AHR: variants seen among roughly 807,000 people sequenced by gnomAD.
The protein encoded by AHR is AH-receptor.
In AHR, 40 loss-of-function variants were observed where a neutral mutation model predicts 86.8. The ratio of observed to expected loss-of-function variants is 0.46; its 90% CI spans 0.36 to 0.60. The LOEUF (loss-of-function observed/expected upper bound fraction) is 0.60. Ranked by LOEUF, AHR falls within the 20% of genes least tolerant of loss-of-function variation. The probability of loss-of-function intolerance (pLI) is 0.00; values close to 1 mark genes in which losing one functional copy is unlikely to be tolerated. For synonymous variants in AHR, 398 were observed against 354.9 expected (o/e 1.12, Z -1.37); for missense variants, 1,001 against 1,011.6 (o/e 0.99, Z 0.14).
At chr7:17,335,616 G>A (rs1782346744) in intron 8 of AHR, 29 bp from the exon 9 acceptor site, 1 of 1,525,798 alleles carries the variant, frequency 6.6e-7, no homozygotes, top group Non-Finnish European at 8.8e-7. Flanking sequence ...TTGGGGGTTT[G>A]ATAATTTAAT....
intron 6 of AHR, among the ~76,000 whole-genome samples, chr7:17,333,625 T>C (rs901471534): frequency 3.9e-5 from 6 of 151,942 alleles, no homozygotes; most frequent in Admixed American, 6.6e-5. Context: ...GTGAAAATGA[T>C]AGGGTAATGG....
chr7:17,324,396 C>T (rs1401700690), intron 3 of AHR, among the ~76,000 whole-genome samples: 1 of 152,124 alleles, frequency 6.6e-6, no homozygotes, highest in African/African-American at 2.4e-5. Context: ...AGCCAATTAC[C>T]ACTACAGTGT....
At position 17,334,340 on chromosome 7, in the gene AHR, A is replaced by G. The variant is rs942846481; in HGVS notation, c.908+226A>G. 3.3e-5 allele frequency among the ~76,000 whole-genome samples: 5 copies of G among 151,988 alleles called. No homozygotes were observed. Among genetic ancestry groups the G allele is most frequent in the African/African-American group, 4.8e-5 (2 of 41,424 alleles). ...GTCTCAAATGATGATGTTCTTATAT[A>G]TTAGTAAGGTTTATTCTTCTGATGA... On this transcript the variant is annotated intron_variant, in intron 7 of 10. Transcript: ENST00000242057.
At position 17,299,205 on chromosome 7, in the gene AHR, G is replaced by C; in HGVS notation, c.-60G>C. The C allele has an allele frequency of 2.5e-6, 4 of 1,578,074 alleles. No individual in the cohort carries two copies. The highest frequency in any genetic ancestry group is 3.4e-6 in the Non-Finnish European group (4 of 1,164,174). On this transcript the variant is annotated 5_prime_UTR_variant, in exon 1 of 11. Coordinates refer to ENST00000242057, the MANE Select transcript of AHR (RefSeq NM_001621.5). ...CGCCGCAGTGGTCCCAGCCTACACC[G>C]GGTTCCGGGGACCCGGCCGCCAGTG... is the stretch of plus-strand genomic sequence containing the variant.
At chr7:17,331,521 A>T (rs1011056040) in intron 6 of AHR, among the ~76,000 whole-genome samples, 4 of 151,966 alleles carry the variant, frequency 2.6e-5, no homozygotes, top group African/African-American at 4.8e-5. Flanking sequence ...TTTTTAAGGT[A>T]TGAGAGAATT....
At chr7:17,312,211 T>A (rs1782072470) in intron 2 of AHR, among the ~76,000 whole-genome samples, 1 of 152,222 alleles carries the variant, frequency 6.6e-6, no homozygotes, top group African/African-American at 2.4e-5. Flanking sequence ...TTCTGTGATG[T>A]GTAAGACGTG....
intron 2 of AHR, among the ~76,000 whole-genome samples, chr7:17,313,946 G>A (rs550066254): frequency 6.6e-6 from 1 of 152,196 alleles, no homozygotes; most frequent in East Asian, 1.9e-4. Flanking sequence ...TGGGCTTGTT[G>A]ATCAATCTAA....
At position 17,344,305 on chromosome 7, in the gene AHR, A is replaced by C. The variant is rs1333118259; in HGVS notation, c.*1241A>C. The C allele has an allele frequency of 1.3e-5, 2 of 152,758 alleles. No individual in the cohort carries two copies. The highest frequency in any genetic ancestry group is 2.9e-5 in the Non-Finnish European group (2 of 68,024). The allele number at this position is 152,758 out of a possible 1,614,324, so 9.5% of individuals were successfully genotyped here. On this transcript the variant is annotated 3_prime_UTR_variant, in exon 11 of 11. Transcript: ENST00000242057. ...CAAAGTATTGTAATGAGTGAATTGA[A>C]TGGTGCATTGTATAGATATAATGAA...
intron 1 of AHR, among the ~76,000 whole-genome samples, chr7:17,302,455 A>G (rs544313718): frequency 2.4e-4 from 36 of 152,156 alleles, no homozygotes; most frequent in African/African-American, 8.7e-4. Context: ...AATGTTTTCT[A>G]TAAATTTATG....
chr7:17,336,342 A>AT (rs113886074), intron 9 of AHR, among the ~76,000 whole-genome samples: 5 of 151,224 alleles, frequency 3.3e-5, no homozygotes, highest in African/African-American at 1.2e-4. Context: ...TGATCAGGGG[A>AT]TTTTGTCTGT....
At chr7:17,328,862 T>C (rs184365502) in intron 4 of AHR, among the ~76,000 whole-genome samples, 1 of 152,104 alleles carries the variant, frequency 6.6e-6, no homozygotes, top group African/African-American at 2.4e-5. Flanking sequence ...TAGGAAGATT[T>C]AAGTGTAGAT....
chr7:17,318,750 A>C (rs1228771165), intron 2 of AHR, among the ~76,000 whole-genome samples: 1 of 152,186 alleles, frequency 6.6e-6, no homozygotes, highest in African/African-American at 2.4e-5. Context: ...AACAATTTAC[A>C]GTTTTGAAGT....
At position 17,298,937 on chromosome 7, in the gene AHR, C is replaced by A. The variant is rs1388974722; in HGVS notation, c.-328C>A. The A allele has an allele frequency of 2.1e-5, 9 of 434,732 alleles. No homozygotes were observed. Among genetic ancestry groups the A allele is most frequent in the African/African-American group, 1.4e-4 (7 of 48,702 alleles). 26.9% of individuals were successfully genotyped at this position (434,732 alleles called of 1,614,324 possible). On this transcript the variant is annotated 5_prime_UTR_variant, in exon 1 of 11. Transcript: ENST00000242057. ...AGACGGCCCAGGCTCCTCCTCCGCC[C>A]GGGCCGCCTCACCTGCGGGCATTGC...
chr7:17,339,914 A>G lies in AHR; in HGVS notation c.2089A>G (p.Thr697Ala). The G allele has an allele frequency of 6.2e-7, 1 of 1,614,206 alleles. No homozygotes were observed. Among genetic ancestry groups the G allele is most frequent in the Non-Finnish European group, 8.5e-7 (1 of 1,180,018 alleles). Reference sequence around the variant, plus strand: ...ATCTGAAATGGATTCTATGCCTTATACACAGAACTTTATTTCCTGTAATCA... The same window carrying G: ...ATCTGAAATGGATTCTATGCCTTATGCACAGAACTTTATTTCCTGTAATCA... ...YKSEMDSMPYTQNFISCNQPV... is the reference protein window; with the variant it reads ...YKSEMDSMPYAQNFISCNQPV... Residue 697 changes from threonine to alanine, a missense_variant, in exon 10 of 11, where the codon ACA (threonine) becomes GCA (alanine). Thr to Ala is a moderately conservative substitution (Grantham distance 58). This residue lies in a region of AHR where 607 missense variants were observed against 543.1 expected (regional missense o/e 1.12). Coordinates refer to ENST00000242057, the MANE Select transcript of AHR (RefSeq NM_001621.5).
Position 17,330,047 on chromosome 7 carries a change from G to A in AHR, c.546G>A (p.Gln182=). 6.2e-7 allele frequency: 1 copy of A among 1,610,988 alleles called. No homozygotes were observed. Among genetic ancestry groups the A allele is most frequent in the Non-Finnish European group, 8.5e-7 (1 of 1,177,914 alleles). ...RQLHWALNPS[Q]CTESGQGIEE... ...TACACTGGGCATTAAATCCTTCTCA[G>A]TGTACAGAGTCTGGACAAGGAATTG... Residue 182 remains glutamine (Q), a synonymous_variant, in exon 5 of 11, where the codon CAG becomes CAA. Transcript: ENST00000242057.
chr7:17,316,176 A>G (rs1258116063), intron 2 of AHR, among the ~76,000 whole-genome samples: 1 of 152,092 alleles, frequency 6.6e-6, no homozygotes, highest in Non-Finnish European at 1.5e-5. Flanking sequence ...AATGAAATGA[A>G]AGTGTAAACT....
Position 17,338,983 on chromosome 7 carries a change from T to C in AHR, c.1161-3T>C. 6.3e-7 allele frequency: 1 copy of C among 1,581,270 alleles called. No individual in the cohort carries two copies. The highest frequency in any genetic ancestry group is 8.6e-7 in the Non-Finnish European group (1 of 1,164,098). On this transcript the variant is annotated splice_polypyrimidine_tract_variant and splice_region_variant and intron_variant, in intron 9 of 10. Coordinates refer to ENST00000242057, the MANE Select transcript of AHR (RefSeq NM_001621.5). ...TCTAAGACTTTTTTGTACACAATTT[T>C]AGAGATGAGGAAGGAACAGAGCATT... is the stretch of plus-strand genomic sequence containing the variant.
chr7:17,299,294 C>T lies in AHR; in HGVS notation c.30C>T (p.Tyr10=). MNSSSANIT[Y]ASRKRRKPVQ... The stretch of plus-strand genomic sequence containing the variant: ...ACAGCAGCAGCGCCAACATCACCTA[C>T]GCCAGTCGCAAGCGGCGGAAGCCGG... The change falls in exon 1 of 11, where the codon TAC becomes TAT. Residue 10 remains tyrosine, a synonymous_variant. Transcript: ENST00000242057. 6 of 1,612,500 alleles carry T rather than the reference C, an allele frequency of 3.7e-6. No homozygotes were observed. Among genetic ancestry groups the T allele is most frequent in the Non-Finnish European group, 5.1e-6 (6 of 1,179,730 alleles).
chr7:17,345,031 T>A lies in AHR; in HGVS notation c.*1967T>A, dbSNP rs1782467440. On this transcript the variant is annotated 3_prime_UTR_variant, in exon 11 of 11. Transcript: ENST00000242057. Reference sequence around the variant, plus strand: ...AAACTGAGATGTATTAAAATACAATTTTTGGCCGGGTGCAGTGGCTCACGC... The same window carrying A: ...AAACTGAGATGTATTAAAATACAATATTTGGCCGGGTGCAGTGGCTCACGC... 6.6e-6 allele frequency: 1 copy of A among 151,778 alleles called. No individual in the cohort carries two copies. The highest frequency in any genetic ancestry group is 1.5e-5 in the Non-Finnish European group (1 of 67,916). 9.4% of individuals were successfully genotyped at this position (151,778 alleles called of 1,614,324 possible). A position where few individuals can be genotyped will look rare whatever the true frequency, so the allele number is the denominator to read the frequency against.
Sources: gnomAD v4.1 joint callset for allele counts (sites outside exome capture counted in the v4.1 genomes callset) on GRCh38, gnomAD v4.1.1 for gene constraint, gnomAD v4.1.1 regional missense constraint, MANE v1.5 for transcripts, NCBI Gene and HGNC (gene_info 2026-07-23, HGNC 2026-07-21) for gene names.